Variants in ZNF438 observed in about 807,000 individuals in gnomAD.
ZNF438 encodes zinc finger protein 438.
Under a neutral mutation model 38.0 loss-of-function variants are expected in ZNF438, and 25 were observed. That is an observed-to-expected ratio of 0.66 (90% CI 0.48 to 0.92). ZNF438 has a LOEUF of 0.92. Among genes scored for constraint, ZNF438 ranks in the 40% least tolerant of loss-of-function variants. ZNF438 has a pLI of 0.00. For missense variants in ZNF438, 1,007 were observed against 999.6 expected, an observed-to-expected ratio of 1.01 and a Z score of -0.10; for synonymous variants, 372 against 364.1, an observed-to-expected ratio of 1.02 and a Z score of -0.25.
In ZNF438 at chr10:30,961,363, A is replaced by G. The variant is rs1253018937; in HGVS notation, c.-191-19712T>C. 1.4e-5 allele frequency among the ~76,000 whole-genome samples: 2 copies of G among 146,070 alleles called. 1 individual carries two copies. The highest frequency in any genetic ancestry group is 3.1e-5 in the Non-Finnish European group (2 of 64,376). ...ACAGCGGCTATTCACAGGCATGATC[A>G]TAGCGCACTATAGCCATGAACTCCT... On this transcript the variant is annotated intron_variant, in intron 1 of 5. Transcript: ENST00000413025.
At chr10:30,987,525 G>A (rs1341155854) in intron 1 of ZNF438, among the ~76,000 whole-genome samples, 3 of 152,076 alleles carry the variant, frequency 2.0e-5, no homozygotes, top group South Asian at 2.1e-4. Context: ...TGGACTAAAC[G>A]TTTGTGTCAC....
intron 2 of ZNF438, among the ~76,000 whole-genome samples, chr10:30,930,836 C>CAAAAAAAAAAAAAAAAAAA (rs2045599179): frequency 2.3e-3 from 137 of 58,668 alleles, no homozygotes; most frequent in Middle Eastern, 0.013. Flanking sequence ...AAAAAAAAAG[C>CAAAAAAAAAAAAAAAAAAA]AAATGGTTCT....
exon 5 of ZNF438, chr10:30,849,402 C>G: frequency 6.2e-7 from 1 of 1,614,212 alleles, no homozygotes; most frequent in Non-Finnish European, 8.5e-7. Flanking sequence ...GCATTAAAGC[C>G]TTCTGTGGTG....
intron 4 of ZNF438, among the ~76,000 whole-genome samples, chr10:30,852,215 CT>C (rs111847519): frequency 0.39 from 56,940 of 145,352 alleles, 11,675 homozygotes; most frequent in African/African-American, 0.53. Context: ...TTTCTTTTTT[CT>C]TTTTTTTTTT....
chr10:30,961,411 C>T (rs953833959), intron 1 of ZNF438, among the ~76,000 whole-genome samples: 1 of 146,452 alleles, frequency 6.8e-6, no homozygotes, highest in South Asian at 2.2e-4. Flanking sequence ...TCCTTCCGCC[C>T]CAGCCTCCTG....
intron 2 of ZNF438, chr10:30,920,221 G>A (rs2044137451): frequency 6.6e-6 from 1 of 152,242 alleles, no homozygotes; most frequent in Admixed American, 6.5e-5. Context: ...ATTGGTGAGA[G>A]ATAAGAGCTG....
At chr10:31,025,329 T>C (rs2056873229) in intron 1 of ZNF438, among the ~76,000 whole-genome samples, 1 of 152,214 alleles carries the variant, frequency 6.6e-6, no homozygotes. Flanking sequence ...CATGCTATAA[T>C]GGCCTCAATC....
chr10:30,940,573 G>T (rs987641750), intron 2 of ZNF438, among the ~76,000 whole-genome samples: 2 of 152,176 alleles, frequency 1.3e-5, no homozygotes, highest in African/African-American at 4.8e-5. Flanking sequence ...GGCTCAAGTG[G>T]GGTACATTTT....
intron 1 of ZNF438, among the ~76,000 whole-genome samples, chr10:30,992,390 A>T (rs1410052046): frequency 2.0e-5 from 3 of 151,290 alleles, no homozygotes; most frequent in Non-Finnish European, 4.4e-5. Context: ...AAGGTTCTGA[A>T]GATGACTAGA....
At chr10:30,966,277 C>G (rs1242489061) in intron 1 of ZNF438, among the ~76,000 whole-genome samples, 1 of 152,046 alleles carries the variant, frequency 6.6e-6, no homozygotes, top group Non-Finnish European at 1.5e-5. Flanking sequence ...CTACAGTGAG[C>G]TATGATCATG....
intron 4 of ZNF438, among the ~76,000 whole-genome samples, chr10:30,872,944 A>G (rs1344060146): frequency 2.6e-5 from 4 of 152,330 alleles, no homozygotes; most frequent in African/African-American, 4.8e-5. Flanking sequence ...TTCTTAGCAC[A>G]TAAGACACAT....
At chr10:30,873,934 A>T (rs2037899233) in intron 4 of ZNF438, among the ~76,000 whole-genome samples, 1 of 152,068 alleles carries the variant, frequency 6.6e-6, no homozygotes, top group Admixed American at 6.6e-5. Flanking sequence ...TATAAGTTGG[A>T]AATTCAAAGG....
At chr10:31,020,501 C>T (rs2056515160) in intron 1 of ZNF438, among the ~76,000 whole-genome samples, 1 of 152,110 alleles carries the variant, frequency 6.6e-6, no homozygotes, top group East Asian at 1.9e-4. Flanking sequence ...TACTTGGCGT[C>T]AGTTAGTCTG....
At chr10:30,887,380 T>TC (rs1209238625) in intron 3 of ZNF438, among the ~76,000 whole-genome samples, 2 of 152,054 alleles carry the variant, frequency 1.3e-5, no homozygotes, top group Non-Finnish European at 2.9e-5. Context: ...AGTAATAAAC[T>TC]CTTTTTTTTT....
chr10:30,937,679 T>C (rs145391726), intron 2 of ZNF438, among the ~76,000 whole-genome samples: 1 of 152,346 alleles, frequency 6.6e-6, no homozygotes, highest in African/African-American at 2.4e-5. Context: ...AAACAGATCA[T>C]GCTGAGGTCA....
At chr10:30,883,468 A>C (rs1419102727) in intron 3 of ZNF438, among the ~76,000 whole-genome samples, 1 of 152,210 alleles carries the variant, frequency 6.6e-6, no homozygotes, top group African/African-American at 2.4e-5. Context: ...ATACACAAAA[A>C]ATGTAAAACT....
At chr10:30,873,075 C>T (rs2037749647) in intron 4 of ZNF438, among the ~76,000 whole-genome samples, 1 of 152,174 alleles carries the variant, frequency 6.6e-6, no homozygotes, top group African/African-American at 2.4e-5. Context: ...CTTTCTTTCA[C>T]CAAATCTAAA....
intron 1 of ZNF438, among the ~76,000 whole-genome samples, chr10:30,982,195 G>A (rs1170031545): frequency 1.1e-4 from 16 of 150,990 alleles, no homozygotes; most frequent in Non-Finnish European, 2.2e-4. Flanking sequence ...TCCGCCTCCC[G>A]GGTTCACACC....
chr10:30,994,781 A>G (rs999464318), intron 1 of ZNF438, among the ~76,000 whole-genome samples: 2 of 152,224 alleles, frequency 1.3e-5, no homozygotes, highest in African/African-American at 4.8e-5. Flanking sequence ...CTGTACCTCC[A>G]GCATCTTGGG....
Sources: allele counts gnomAD v4.1 joint callset (sites outside exome capture counted in the v4.1 genomes callset), GRCh38; gene constraint gnomAD v4.1.1; transcripts MANE v1.5; gene names NCBI Gene and HGNC (gene_info 2026-07-23, HGNC 2026-07-21).